NREP: variants seen among roughly 807,000 people sequenced by gnomAD.
NREP encodes neuronal regeneration-related protein.
Under a neutral mutation model 8.6 loss-of-function variants are expected in NREP, and 5 were observed. The observed-to-expected ratio is 0.58, with a 90% CI of 0.30 to 1.22. The LOEUF is 1.22. Ranked by LOEUF, NREP falls within the 50% of genes most tolerant of loss-of-function variation. The pLI is 0.07. For synonymous variants in NREP, 27 were observed against 28.0 expected (o/e 0.96, Z 0.11); for missense variants, 86 against 82.5 (o/e 1.04, Z -0.17).
intron 2 of NREP, among the ~76,000 whole-genome samples, chr5:111,908,679 A>T (rs975212441): frequency 1.3e-5 from 2 of 151,922 alleles, no homozygotes; most frequent in African/African-American, 2.4e-5. Flanking sequence ...TCCTCTGTTG[A>T]TGGGCACCTT....
At chr5:111,768,901 T>C (rs1382589701) in intron 2 of NREP, among the ~76,000 whole-genome samples, 1 of 152,232 alleles carries the variant, frequency 6.6e-6, no homozygotes, top group Non-Finnish European at 1.5e-5. Flanking sequence ...CTGGGTTGAA[T>C]GGTAGTTCTG....
intron 2 of NREP, among the ~76,000 whole-genome samples, chr5:111,796,026 C>G (rs535963513): frequency 6.6e-6 from 1 of 152,300 alleles, no homozygotes; most frequent in African/African-American, 2.4e-5. Flanking sequence ...AAATTTGTAT[C>G]TTACAATTCT....
chr5:111,963,270 C>T (rs1004795355), intron 2 of NREP, among the ~76,000 whole-genome samples: 7 of 152,228 alleles, frequency 4.6e-5, no homozygotes, highest in African/African-American at 1.4e-4. Flanking sequence ...CGTACTCCCT[C>T]ACACAAGAGG....
At chr5:111,910,656 G>C (rs927703887) in intron 2 of NREP, among the ~76,000 whole-genome samples, 2 of 152,004 alleles carry the variant, frequency 1.3e-5, no homozygotes, top group African/African-American at 4.8e-5. Flanking sequence ...CAAAGCACCA[G>C]GCTGTGGAGC....
chr5:111,906,797 G>C (rs1347050246), intron 2 of NREP, among the ~76,000 whole-genome samples: 2 of 151,832 alleles, frequency 1.3e-5, no homozygotes, highest in Non-Finnish European at 2.9e-5. Context: ...GTGCTTATTT[G>C]GCATCTAAGT....
chr5:111,755,598 CA>C, intron 2 of NREP, 171 bp downstream of exon 2: 2 of 676,848 alleles, frequency 3.0e-6, no homozygotes, highest in South Asian at 3.9e-5. Flanking sequence ...ACATCCAATT[CA>C]CATAAATTGC....
chr5:111,770,531 A>G (rs1452955496), intron 2 of NREP, among the ~76,000 whole-genome samples: 4 of 81,138 alleles, frequency 4.9e-5, no homozygotes, highest in Non-Finnish European at 1.1e-4. Context: ...AAAAAATATT[A>G]TTTGGTAAAG....
At chr5:111,747,540 G>GCCA (rs752696095) in intron 2 of NREP, among the ~76,000 whole-genome samples, 1 of 152,078 alleles carries the variant, frequency 6.6e-6, no homozygotes, top group Non-Finnish European at 1.5e-5. Context: ...GGAGCTGGCA[G>GCCA]CCACAGCAAA....
rs944308518 is a variant in NREP at position 111,776,994 on chromosome 5, G to GAGC, written c.136-41488_136-41487insGCT. ...AAGGAAAAATAAGAAAAAGGATGAG[G>GAGC]AGGAGGAGGAGGAAGGAGGTGGAGG... On this transcript the variant is annotated intron_variant, in intron 2 of 3. Coordinates refer to the NREP transcript ENST00000395634. 2.1e-3 allele frequency among the ~76,000 whole-genome samples: 271 copies of GAGC among 127,384 alleles called. 6 individuals carry two copies. Among genetic ancestry groups the GAGC allele is most frequent in the Non-Finnish European group, 1.8e-3 (104 of 57,638 alleles). The allele number at this position is 127,384 out of a possible 152,430, so 83.6% of individuals were successfully genotyped here.
chr5:111,771,414 T>C (rs1185549203), intron 2 of NREP, among the ~76,000 whole-genome samples: 1 of 144,730 alleles, frequency 6.9e-6, no homozygotes, highest in Non-Finnish European at 1.5e-5. Context: ...GGTGAGAGGC[T>C]TCATAGTCTT....
At chr5:111,772,870 C>T (rs753858821) in intron 2 of NREP, among the ~76,000 whole-genome samples, 6 of 152,104 alleles carry the variant, frequency 3.9e-5, no homozygotes, top group Non-Finnish European at 7.4e-5. Flanking sequence ...AGCATGACAG[C>T]TTTGGATTAG....
intron 2 of NREP, among the ~76,000 whole-genome samples, chr5:111,974,871 G>C (rs1170768162): frequency 6.6e-6 from 1 of 152,176 alleles, no homozygotes; most frequent in Non-Finnish European, 1.5e-5. Context: ...AGAAAGCTAA[G>C]ACATACCGTC....
intron 2 of NREP, among the ~76,000 whole-genome samples, chr5:111,804,370 C>A (rs1752087168): frequency 6.6e-6 from 1 of 152,062 alleles, no homozygotes. Flanking sequence ...GAATAAACTG[C>A]AAATACATCA....
chr5:111,879,624 T>C (rs891826618), intron 2 of NREP, among the ~76,000 whole-genome samples: 4 of 152,176 alleles, frequency 2.6e-5, no homozygotes, highest in African/African-American at 4.8e-5. Flanking sequence ...TGAATCTTTG[T>C]TGGTGCTTAC....
intron 2 of NREP, among the ~76,000 whole-genome samples, chr5:111,839,371 C>G (rs1318121912): frequency 6.6e-6 from 1 of 152,042 alleles, no homozygotes; most frequent in Non-Finnish European, 1.5e-5. Context: ...GTAAGTTTTT[C>G]CCATTCGGCC....
intron 2 of NREP, among the ~76,000 whole-genome samples, chr5:111,915,423 TA>T (rs893997176): frequency 1.5e-4 from 22 of 151,616 alleles, no homozygotes; most frequent in South Asian, 1.0e-3. Context: ...CAGCTCACAT[TA>T]AAAAAAAGGC....
At chr5:111,757,932 T>C, upstream of NREP, 2 of 985,476 alleles carry the variant, frequency 2.0e-6, no homozygotes, top group Non-Finnish European at 2.4e-6. Flanking sequence ...CGGCCCGTAC[T>C]GTAATAATAA....
At chr5:111,793,841 T>G (rs1751811997) in intron 2 of NREP, among the ~76,000 whole-genome samples, 1 of 152,144 alleles carries the variant, frequency 6.6e-6, no homozygotes, top group East Asian at 1.9e-4. Flanking sequence ...GGAAGATACC[T>G]TGAAGCCAGG....
intron 2 of NREP, among the ~76,000 whole-genome samples, chr5:111,942,514 T>C (rs1410829348): frequency 3.3e-5 from 5 of 152,044 alleles, no homozygotes; most frequent in Non-Finnish European, 5.9e-5. Flanking sequence ...AAGCAGTTTG[T>C]GCTATCAAAT....
Sources: gnomAD v4.1 joint callset for allele counts (sites outside exome capture counted in the v4.1 genomes callset) on GRCh38, gnomAD v4.1.1 for gene constraint, MANE v1.5 for transcripts, NCBI Gene and HGNC (gene_info 2026-07-23, HGNC 2026-07-21) for gene names.